Variants in RBFOX1 observed in about 807,000 individuals in gnomAD.
The protein encoded by RBFOX1 is RNA binding protein fox-1 homolog 1.
Under a neutral mutation model 57.7 loss-of-function variants are expected in RBFOX1, and 8 were observed. That is an observed-to-expected ratio of 0.14 (90% confidence interval 0.08 to 0.25). The LOEUF is 0.25. Ranked by LOEUF, RBFOX1 falls within the 10% of genes least tolerant of loss-of-function variation. The pLI is 1.00. For missense variants in RBFOX1, 611 were observed against 548.5 expected (o/e 1.11, Z -1.14); for synonymous variants, 326 against 222.4 (o/e 1.47, Z -4.15).
At chr16:5,500,772 G>C (rs995873060) in intron 2 of RBFOX1, among the ~76,000 whole-genome samples, 1 of 152,162 alleles carries the variant, frequency 6.6e-6, no homozygotes, top group African/African-American at 2.4e-5. Context: ...TTTTTGCGTG[G>C]TAACTTCACC....
intron 4 of RBFOX1, among the ~76,000 whole-genome samples, chr16:7,450,085 A>G (rs989129961): frequency 6.6e-6 from 1 of 152,138 alleles, no homozygotes; most frequent in African/African-American, 2.4e-5. Flanking sequence ...AAGGAACTCA[A>G]TCTAAAGTAT....
chr16:7,407,378 GTGT>G (rs2098362413), intron 4 of RBFOX1, among the ~76,000 whole-genome samples: 1 of 19,752 alleles, frequency 5.1e-5, no homozygotes, highest in Non-Finnish European at 3.8e-4. Context: ...GTATGGGTGT[GTGT>G]GTGTGTGTGT....
At chr16:7,603,049 C>T (rs1568042428) in intron 9 of RBFOX1, among the ~76,000 whole-genome samples, 1 of 152,094 alleles carries the variant, frequency 6.6e-6, no homozygotes, top group South Asian at 2.1e-4. Flanking sequence ...ACACGGCATG[C>T]CAAAGTCTAT....
intron 2 of RBFOX1, among the ~76,000 whole-genome samples, chr16:6,636,858 TAA>T (rs1161543844): frequency 6.5e-5 from 8 of 123,048 alleles, no homozygotes; most frequent in African/African-American, 1.6e-4. Flanking sequence ...ATATAATATA[TAA>T]TATATATTAT....
intron 3 of RBFOX1, among the ~76,000 whole-genome samples, chr16:6,689,407 A>T (rs908801385): frequency 6.6e-6 from 1 of 152,206 alleles, no homozygotes; most frequent in Admixed American, 6.5e-5. Flanking sequence ...GGCAATAGAT[A>T]ATACTTTTTT....
chr16:5,348,562 C>G (rs2065193824), intron 1 of RBFOX1, among the ~76,000 whole-genome samples: 1 of 152,166 alleles, frequency 6.6e-6, no homozygotes, highest in Admixed American at 6.5e-5. Flanking sequence ...CCTAGGTTGG[C>G]TACCCCATCA....
At chr16:7,248,531 C>A (rs1295080824) in intron 4 of RBFOX1, among the ~76,000 whole-genome samples, 1 of 152,204 alleles carries the variant, frequency 6.6e-6, no homozygotes, top group Non-Finnish European at 1.5e-5. Flanking sequence ...CTTAATTTCA[C>A]CCATCACAGA....
intron 3 of RBFOX1, among the ~76,000 whole-genome samples, chr16:6,793,018 G>T (rs376481982): frequency 4.3e-5 from 6 of 140,726 alleles, no homozygotes; most frequent in African/African-American, 1.3e-4. Context: ...GACAGAGTGA[G>T]ACTCCATCTG....
At chr16:6,150,738 G>A (rs1028882980) in intron 1 of RBFOX1, among the ~76,000 whole-genome samples, 2 of 152,140 alleles carry the variant, frequency 1.3e-5, no homozygotes, top group African/African-American at 4.8e-5. Flanking sequence ...TGGGGAATGG[G>A]TCTTGTTTAT....
chr16:5,771,317 T>C (rs779604658), intron 3 of RBFOX1, among the ~76,000 whole-genome samples: 1 of 152,194 alleles, frequency 6.6e-6, no homozygotes, highest in Non-Finnish European at 1.5e-5. Context: ...TAGGGTGAGG[T>C]CTACATGTAC....
At chr16:7,327,773 T>G (rs1040858699) in intron 4 of RBFOX1, among the ~76,000 whole-genome samples, 1 of 151,880 alleles carries the variant, frequency 6.6e-6, no homozygotes, top group Non-Finnish European at 1.5e-5. Flanking sequence ...ATAGCATAAA[T>G]CTAGATTTTA....
At chr16:5,956,860 G>A (rs1444930171) in intron 4 of RBFOX1, among the ~76,000 whole-genome samples, 1 of 148,984 alleles carries the variant, frequency 6.7e-6, no homozygotes, top group Admixed American at 6.7e-5. Context: ...TTATAGAGAT[G>A]GGGTTTCGCC....
At chr16:6,892,291 C>T (rs116745631) in intron 3 of RBFOX1, among the ~76,000 whole-genome samples, 4 of 152,188 alleles carry the variant, frequency 2.6e-5, no homozygotes, top group East Asian at 1.9e-4. Context: ...CAAGACTCTT[C>T]GACCGTAAAG....
chr16:6,669,133 G>A lies in RBFOX1; in HGVS notation c.-16+14483G>A, dbSNP rs558949358. Among the ~76,000 whole-genome samples, 13 of 152,184 alleles carry A rather than the reference G, an allele frequency of 8.5e-5. No individual in the cohort carries two copies. The South Asian group carries it at 1.0e-3, about 12-fold the overall frequency. On this transcript the variant is annotated intron_variant, in intron 3 of 15. Transcript: ENST00000550418. ...GCATGGTTCAGCTGAAATTTTCTTC[G>A]TGTTGATCAAGGTCAGAAAACCCAG...
At chr16:6,429,007 C>G (rs544139873) in intron 2 of RBFOX1, among the ~76,000 whole-genome samples, 15 of 152,284 alleles carry the variant, frequency 9.9e-5, no homozygotes, top group African/African-American at 3.1e-4. Flanking sequence ...GGTGCACATT[C>G]GGTGACATGC....
chr16:6,729,021 G>C (rs992647049), intron 3 of RBFOX1, among the ~76,000 whole-genome samples: 1 of 152,048 alleles, frequency 6.6e-6, no homozygotes, highest in Non-Finnish European at 1.5e-5. Context: ...CAAATCATAC[G>C]GGGATAACTT....
intron 2 of RBFOX1, among the ~76,000 whole-genome samples, chr16:5,552,821 G>T (rs1405958620): frequency 7.7e-6 from 1 of 129,584 alleles, no homozygotes; most frequent in Non-Finnish European, 1.6e-5. Flanking sequence ...AGGCCTCGGA[G>T]CAGATACAGC....
chr16:6,535,959 C>T (rs567608271), intron 2 of RBFOX1, among the ~76,000 whole-genome samples: 1 of 152,174 alleles, frequency 6.6e-6, no homozygotes, highest in Admixed American at 6.5e-5. Flanking sequence ...ACTAAGATGC[C>T]TCTTTAGTTT....
chr16:6,662,003 A>T (rs893493603), intron 3 of RBFOX1, among the ~76,000 whole-genome samples: 1 of 152,168 alleles, frequency 6.6e-6, no homozygotes, highest in African/African-American at 2.4e-5. Context: ...AACCTAGAGG[A>T]CATTAGGTGA....
Sources: allele counts gnomAD v4.1 joint callset (sites outside exome capture counted in the v4.1 genomes callset), GRCh38; gene constraint gnomAD v4.1.1; transcripts MANE v1.5; gene names NCBI Gene and HGNC (gene_info 2026-07-23, HGNC 2026-07-21).